The following RGL1 variants were observed in gnomAD, a reference collection of about 807,000 sequenced individuals.
The protein encoded by RGL1 is ral guanine nucleotide dissociation stimulator-like 1.
In RGL1, 24 loss-of-function variants were observed where a neutral mutation model predicts 95.2. That is an observed-to-expected ratio of 0.25 (90% CI 0.18 to 0.35). RGL1 has a LOEUF of 0.35. Ranked by LOEUF, RGL1 falls within the 10% of genes least tolerant of loss-of-function variation. RGL1 has a pLI of 1.00. For synonymous variants in RGL1, 329 were observed against 344.9 expected, an observed-to-expected ratio of 0.95 and a Z score of 0.51; for missense variants, 715 against 936.3, an observed-to-expected ratio of 0.76 and a Z score of 3.08.
chr1:183,647,958 G>A (rs754797713), intron 1 of RGL1: 15 of 1,614,160 alleles, frequency 9.3e-6, no homozygotes, highest in Non-Finnish European at 1.2e-5. Context: ...TTGTCCACTC[G>A]GCATTTGAAA....
chr1:183,857,687 T>A (rs1357741490), intron 3 of RGL1, among the ~76,000 whole-genome samples: 4 of 152,218 alleles, frequency 2.6e-5, no homozygotes, highest in Non-Finnish European at 5.9e-5. Flanking sequence ...AAAAATTTAA[T>A]CTGGTGCTGT....
intron 1 of RGL1, among the ~76,000 whole-genome samples, chr1:183,703,090 G>A (rs906414289): frequency 6.6e-6 from 1 of 152,118 alleles, no homozygotes; most frequent in Non-Finnish European, 1.5e-5. Flanking sequence ...GTGGTCTTGT[G>A]CCTTGGGACT....
At chr1:183,840,189 C>T (rs1225857735) in intron 2 of RGL1, among the ~76,000 whole-genome samples, 1 of 152,190 alleles carries the variant, frequency 6.6e-6, no homozygotes, top group Admixed American at 6.5e-5. Context: ...TTATGATCTA[C>T]TATCAGACAA....
intron 2 of RGL1, among the ~76,000 whole-genome samples, chr1:183,794,110 TA>T (rs1030382628): frequency 2.7e-5 from 4 of 149,552 alleles, no homozygotes; most frequent in Admixed American, 2.0e-4. Flanking sequence ...TATTCAGCCA[TA>T]AAAAAATGAA....
chr1:183,739,599 A>G (rs1429009927), intron 1 of RGL1, among the ~76,000 whole-genome samples: 1 of 152,188 alleles, frequency 6.6e-6, no homozygotes, highest in Non-Finnish European at 1.5e-5. Context: ...TATTGTACAT[A>G]TGGTCATTTT....
chr1:183,673,812 C>T (rs1214041021), intron 1 of RGL1, among the ~76,000 whole-genome samples: 3 of 152,270 alleles, frequency 2.0e-5, no homozygotes, highest in Admixed American at 2.0e-4. Flanking sequence ...CTGCCTAAAC[C>T]AAGTGTGAAC....
At chr1:183,742,214 C>T (rs1205744462) in exon 2 of RGL1, 5 of 1,614,016 alleles carry the variant, frequency 3.1e-6, no homozygotes, top group Non-Finnish European at 4.2e-6. Context: ...TCAAACTTTC[C>T]ACCAAGGTAG....
intron 4 of RGL1, among the ~76,000 whole-genome samples, chr1:183,874,727 G>A (rs115156382): frequency 3.5e-4 from 54 of 152,276 alleles, no homozygotes; most frequent in African/African-American, 1.2e-3. Flanking sequence ...ACCTTGACAA[G>A]TCCAGATAAT....
chr1:183,807,270 G>A (rs1661408217), intron 2 of RGL1, among the ~76,000 whole-genome samples: 1 of 152,192 alleles, frequency 6.6e-6, no homozygotes, highest in Non-Finnish European at 1.5e-5. Context: ...AGGAGAAGTA[G>A]TTCTCAGACC....
intron 1 of RGL1, among the ~76,000 whole-genome samples, chr1:183,672,897 A>G (rs1249738098): frequency 6.6e-6 from 1 of 152,076 alleles, no homozygotes; most frequent in African/African-American, 2.4e-5. Context: ...TTTCTTCTTC[A>G]ACTTTTATTT....
chr1:183,900,434 C>G (rs900434447), intron 11 of RGL1, among the ~76,000 whole-genome samples, 198 bp downstream of exon 11: 1 of 152,200 alleles, frequency 6.6e-6, no homozygotes, highest in African/African-American at 2.4e-5. Flanking sequence ...ATTAATATAT[C>G]AAAATAAGCA....
At chr1:183,767,740 G>A (rs1279819161) in intron 2 of RGL1, among the ~76,000 whole-genome samples, 1 of 152,132 alleles carries the variant, frequency 6.6e-6, no homozygotes, top group Non-Finnish European at 1.5e-5. Flanking sequence ...ATCACCTGAG[G>A]TCAGAAGTTG....
chr1:183,890,536 A>G (rs1366303336), intron 8 of RGL1, among the ~76,000 whole-genome samples: 2 of 152,204 alleles, frequency 1.3e-5, no homozygotes, highest in Non-Finnish European at 2.9e-5. Context: ...CTTCTATATC[A>G]GCTTTACATG....
intron 1 of RGL1, among the ~76,000 whole-genome samples, chr1:183,720,823 A>G (rs1170260691): frequency 2.0e-5 from 3 of 152,158 alleles, no homozygotes. Flanking sequence ...TGTCTGTTTG[A>G]GACTTTTAGG....
intron 1 of RGL1, among the ~76,000 whole-genome samples, chr1:183,703,993 G>A (rs575759256): frequency 5.3e-5 from 8 of 152,244 alleles, no homozygotes; most frequent in African/African-American, 1.2e-4. Context: ...AGAACGAAGC[G>A]CCCTTCCTTG....
At chr1:183,679,590 C>T (rs995652364) in intron 1 of RGL1, among the ~76,000 whole-genome samples, 1 of 151,640 alleles carries the variant, frequency 6.6e-6, no homozygotes, top group Non-Finnish European at 1.5e-5. Context: ...ATATATGTGC[C>T]ACATTTTCTT....
intron 1 of RGL1, among the ~76,000 whole-genome samples, chr1:183,712,596 T>A (rs1655353669): frequency 6.6e-6 from 1 of 152,200 alleles, no homozygotes; most frequent in Non-Finnish European, 1.5e-5. Flanking sequence ...CTATTTAGGT[T>A]TTGGAGGCTT....
chr1:183,837,687 A>G (rs939353192), intron 2 of RGL1, among the ~76,000 whole-genome samples: 1 of 152,200 alleles, frequency 6.6e-6, no homozygotes, highest in Admixed American at 6.5e-5. Flanking sequence ...ATGGAAATGC[A>G]ACCTGTTAAT....
chr1:183,685,356 T>G (rs960207914), intron 1 of RGL1, among the ~76,000 whole-genome samples: 4 of 152,186 alleles, frequency 2.6e-5, no homozygotes, highest in Admixed American at 6.5e-5. Flanking sequence ...TCTGGGAGAC[T>G]AAGAAATTCT....
Sources: allele counts gnomAD v4.1 joint callset (sites outside exome capture counted in the v4.1 genomes callset), GRCh38; gene constraint gnomAD v4.1.1; transcripts MANE v1.5; gene names NCBI Gene and HGNC (gene_info 2026-07-23, HGNC 2026-07-21).